The following CLC variants were observed in gnomAD, a reference collection of about 807,000 sequenced individuals.
The protein encoded by CLC is Charcot-Leyden crystal galectin, also known as galectin-10.
A neutral mutation model predicts 13.9 loss-of-function variants in CLC; 15 were observed. That is an observed-to-expected ratio of 1.08 (90% CI 0.72 to 1.66). CLC has a LOEUF of 1.66. Among genes scored for constraint, CLC ranks in the 40% most tolerant of loss-of-function variants. The pLI is 0.00. For missense variants in CLC, 161 were observed against 169.1 expected, an observed-to-expected ratio of 0.95 and a Z score of 0.27; for synonymous variants, 68 against 59.9, an observed-to-expected ratio of 1.14 and a Z score of -0.63.
rs950302116 is a variant in CLC, at chr19:39,733,063, T to A, written c.303+1220A>T. ...CTAATATCCAGAATCTACAATGAACTCAAACAAATGTACAAGAAAAAAACA... is the reference window on the plus strand; with the variant it reads ...CTAATATCCAGAATCTACAATGAACACAAACAAATGTACAAGAAAAAAACA... On this transcript the variant is annotated intron_variant, in intron 3 of 3. Transcript: ENST00000221804. 4.5e-5 allele frequency among the ~76,000 whole-genome samples: 6 copies of A among 134,618 alleles called. No individual in the cohort carries two copies. In the South Asian group the frequency reaches 1.1e-3, roughly 24 times the overall value. 88.3% of individuals were successfully genotyped at this position (134,618 alleles called of 152,430 possible).
Position 39,733,703 on chromosome 19 carries a change from AT to A in CLC, c.303+579del, listed in dbSNP as rs1449442404. On this transcript the variant is annotated intron_variant, in intron 3 of 3. Coordinates refer to ENST00000221804, the MANE Select transcript of CLC (RefSeq NM_001828.6). ...TTCCTAAAGTGTAATGTGTAGGGAC[AT>A]TGATACCAGCATTTGTTTAAAAACA... Among the ~76,000 whole-genome samples, 3 of 152,324 alleles carry A rather than the reference AT, an allele frequency of 2.0e-5. No individual in the cohort carries two copies. In the East Asian group the frequency reaches 5.8e-4, roughly 29 times the overall value.
In CLC at chr19:39,731,472, C is replaced by A; in HGVS notation, c.337G>T (p.Asp113Tyr). The change falls in exon 4 of 4, where the codon GAC (aspartate) becomes TAC (tyrosine). Residue 113 changes from aspartate (D) to tyrosine (Y), a missense_variant. Transcript: ENST00000221804. ...ACAGCCTCAGGCTTGATTCTATGGT[C>A]AAAGGTGTAAGAGGATTGGCCATTG... ...MVNGQSSYTF[D>Y]HRIKPEAVKM... 6.2e-7 allele frequency: 1 copy of A among 1,613,352 alleles called. No individual in the cohort carries two copies. The highest frequency in any genetic ancestry group is 1.1e-5 in the South Asian group (1 of 91,008).
chr19:39,731,286 TAAGGATTG>T lies in CLC; in HGVS notation c.*86_*93del. The T allele has an allele frequency of 7.5e-7, 1 of 1,334,542 alleles. No homozygotes were observed. The highest frequency in any genetic ancestry group is 1.1e-6 in the Non-Finnish European group (1 of 936,600). The allele number at this position is 1,334,542 out of a possible 1,614,324, so 82.7% of individuals were successfully genotyped here. A position where few individuals can be genotyped will look rare whatever the true frequency, so the allele number is the denominator to read the frequency against. On this transcript the variant is annotated 3_prime_UTR_variant, in exon 4 of 4. Transcript: ENST00000221804. ...TTGATTAAGTTTTAATGAGCAGGAG[TAAGGATTG>T]AAGTGAGAAAAGATCATGCTGTTAG...
Position 39,731,499 on chromosome 19 carries a change from C to T in CLC, c.310G>A (p.Val104Ile), listed in dbSNP as rs558340888. ...AAGGTGTAAGAGGATTGGCCATTGA[C>T]CATTACCTACAGAAGGAAAAAAATA... ...SVLPDKYQVM[V>I]NGQSSYTFDH... The change falls in exon 4 of 4, where the codon GTC becomes ATC. Residue 104 changes from valine to isoleucine, a missense_variant. Coordinates refer to ENST00000221804, the MANE Select transcript of CLC (RefSeq NM_001828.6). 6.2e-7 allele frequency: 1 copy of T among 1,603,378 alleles called. No homozygotes were observed. Among genetic ancestry groups the T allele is most frequent in the Non-Finnish European group, 8.5e-7 (1 of 1,173,224 alleles).
intron 1 of CLC, among the ~76,000 whole-genome samples, chr19:39,737,350 G>A (rs1289785594): frequency 1.3e-5 from 2 of 151,830 alleles, no homozygotes; most frequent in Non-Finnish European, 2.9e-5. Flanking sequence ...TTCTGTCACC[G>A]GGGATCCACA....
Position 39,731,507 on chromosome 19 carries a change from T to C in CLC, c.304-2A>G. On this transcript the variant is annotated splice_acceptor_variant, in intron 3 of 3. Coordinates refer to ENST00000221804, the MANE Select transcript of CLC (RefSeq NM_001828.6). LOFTEE classifies it high-confidence loss of function. ...AGAGGATTGGCCATTGACCATTACC[T>C]ACAGAAGGAAAAAAATACATCAGAA... 14 of 1,596,848 alleles carry C rather than the reference T, an allele frequency of 8.8e-6. No individual in the cohort carries two copies. The highest frequency in any genetic ancestry group is 1.2e-5 in the Non-Finnish European group (14 of 1,169,086).
chr19:39,734,614 T>G, intron 2 of CLC, 121 bp from the exon 3 acceptor site: 1 of 777,660 alleles, frequency 1.3e-6, no homozygotes, highest in Non-Finnish European at 2.1e-6. Context: ...TTCTAGGCCT[T>G]GTCATTGTGG....
chr19:39,733,858 A>G (rs1191954654), intron 3 of CLC: 12 of 870,848 alleles, frequency 1.4e-5, no homozygotes, highest in Non-Finnish European at 1.7e-5. Context: ...TATTGGACTG[A>G]CTAAAACAAT....
At position 39,737,896 on chromosome 19, in the gene CLC, G is replaced by C. The variant is rs907591712; in HGVS notation, c.15+42C>G. Reference sequence around the variant, plus strand: ...ATAAAATCTCCCTCTTCCCTTTTCTGTGTGACCTGAGATTATTGAAGGCTG... The same window carrying C: ...ATAAAATCTCCCTCTTCCCTTTTCTCTGTGACCTGAGATTATTGAAGGCTG... On this transcript the variant is annotated intron_variant, in intron 1 of 3. Coordinates refer to ENST00000221804, the MANE Select transcript of CLC (RefSeq NM_001828.6). 21 of 1,593,234 alleles carry C rather than the reference G, an allele frequency of 1.3e-5. No homozygotes were observed. In the African/African-American group the frequency reaches 2.4e-4, roughly 19 times the overall value.
At chr19:39,735,360 A>G (rs544738598) in intron 1 of CLC, among the ~76,000 whole-genome samples, 7 of 152,260 alleles carry the variant, frequency 4.6e-5, no homozygotes, top group African/African-American at 1.7e-4. Flanking sequence ...GTCTAATTGA[A>G]TCACCCAGGC....
chr19:39,737,920 T>A lies in CLC; in HGVS notation c.15+18A>T, dbSNP rs957112334. The stretch of plus-strand genomic sequence containing the variant: ...TGTGTGACCTGAGATTATTGAAGGC[T>A]GTGCCTTTTTAACTCACGGGTAGCA... On this transcript the variant is annotated intron_variant, in intron 1 of 3. Transcript: ENST00000221804. 6.2e-7 allele frequency: 1 copy of A among 1,611,976 alleles called. No individual in the cohort carries two copies. Among genetic ancestry groups the A allele is most frequent in the Admixed American group, 1.7e-5 (1 of 59,714 alleles).
At chr19:39,734,260 C>A (rs566785841) in intron 3 of CLC, 23 bp downstream of exon 3, 4 of 1,607,554 alleles carry the variant, frequency 2.5e-6, no homozygotes, top group Non-Finnish European at 3.4e-6. Context: ...AAGCCGGGTG[C>A]GGGGAGCTCC....
intron 2 of CLC, 125 bp from the exon 3 acceptor site, chr19:39,734,618 A>G (rs2144917806): frequency 1.3e-6 from 1 of 753,624 alleles, no homozygotes; most frequent in South Asian, 1.7e-5. Flanking sequence ...AGGCCTTGTC[A>G]TTGTGGGGCT....
chr19:39,734,651 A>T (rs1967280670), intron 2 of CLC, among the ~76,000 whole-genome samples, 158 bp from the exon 3 acceptor site: 1 of 152,164 alleles, frequency 6.6e-6, no homozygotes, highest in African/African-American at 2.4e-5. Flanking sequence ...TGTGTTCTCC[A>T]TGGGTGGAAA....
intron 3 of CLC, among the ~76,000 whole-genome samples, chr19:39,733,751 G>A (rs984455669): frequency 7.2e-6 from 1 of 139,824 alleles, no homozygotes; most frequent in Admixed American, 7.0e-5. Flanking sequence ...ATATATGGGT[G>A]TATGTATATG....
chr19:39,735,718 T>C (rs1414836608), intron 1 of CLC, among the ~76,000 whole-genome samples: 3 of 152,210 alleles, frequency 2.0e-5, no homozygotes, highest in Non-Finnish European at 2.9e-5. Flanking sequence ...TTTTCAGTTA[T>C]ACAGTAGTTA....
At chr19:39,736,268 T>A (rs1334900856) in intron 1 of CLC, among the ~76,000 whole-genome samples, 1 of 152,016 alleles carries the variant, frequency 6.6e-6, no homozygotes, top group Non-Finnish European at 1.5e-5. Flanking sequence ...AGGAAACCCC[T>A]GTGCGTGGGA....
rs1286165497 is a variant in CLC, at chr19:39,734,257, G to C, written c.303+26C>G. On this transcript the variant is annotated intron_variant, in intron 3 of 3. Transcript: ENST00000221804. ...TGCTCTGAGATCCCATGGAAGCCGG[G>C]TGCGGGGAGCTCCTGGGGTGCTCAC... 3.1e-6 allele frequency: 5 copies of C among 1,606,582 alleles called. No individual in the cohort carries two copies. The African/African-American group carries it at 4.0e-5, about 13-fold the overall frequency.
chr19:39,734,153 G>T, intron 3 of CLC, 130 bp downstream of exon 3: 1 of 1,382,680 alleles, frequency 7.2e-7, no homozygotes. Flanking sequence ...TGAAAAGCCT[G>T]GGATAAGGGG....
Sources: gnomAD v4.1 joint callset for allele counts (sites outside exome capture counted in the v4.1 genomes callset) on GRCh38, gnomAD v4.1.1 for gene constraint, MANE v1.5 for transcripts, NCBI Gene and HGNC (gene_info 2026-07-23, HGNC 2026-07-21) for gene names.